The following CCPG1 variants were observed in gnomAD, a reference collection of about 807,000 sequenced individuals.
CCPG1 encodes cell cycle progression 1.
Under a neutral mutation model 81.3 loss-of-function variants are expected in CCPG1, and 46 were observed. The ratio of observed to expected loss-of-function variants is 0.57; its 90% CI spans 0.45 to 0.72. CCPG1 has a LOEUF of 0.72. Ranked by LOEUF, CCPG1 falls within the 30% of genes least tolerant of loss-of-function variation. The probability of loss-of-function intolerance (pLI) is 0.00; values close to 1 mark genes in which losing one functional copy is unlikely to be tolerated. For synonymous variants in CCPG1, 330 were observed against 305.2 expected (o/e 1.08, Z -0.85); for missense variants, 902 against 937.6 (o/e 0.96, Z 0.50).
intron 1 of CCPG1, among the ~76,000 whole-genome samples, chr15:55,403,484 C>G (rs1303424611): frequency 6.6e-6 from 1 of 151,998 alleles, no homozygotes; most frequent in Non-Finnish European, 1.5e-5. Context: ...TCTAATACTT[C>G]CTCAGGTAAT....
At position 55,385,642 on chromosome 15, in the gene CCPG1, A is replaced by G. The variant is rs768411377; in HGVS notation, c.133T>C (p.Leu45=). 2.4e-5 allele frequency: 38 copies of G among 1,611,868 alleles called. No homozygotes were observed. In the South Asian group the frequency reaches 4.2e-4, roughly 18 times the overall value. The stretch of plus-strand genomic sequence containing the variant: ...AATGCTTGAAGCTCCTCTTGCTCTA[A>G]AGATGAACATTCTGGGGCGGGCTCA... ...SCEPAPECSS[L]EQEELQALQI... The change falls in exon 3 of 9, where the codon TTA becomes CTA. Residue 45 remains leucine (L), a synonymous_variant. Coordinates refer to ENST00000442196, the MANE Select transcript of CCPG1 (RefSeq NM_001204450.2).
chr15:55,391,051 C>T (rs1027959324), intron 1 of CCPG1, among the ~76,000 whole-genome samples: 4 of 152,070 alleles, frequency 2.6e-5, no homozygotes, highest in Non-Finnish European at 4.4e-5. Context: ...GTTTAAATAC[C>T]CTGTAGGATA....
At chr15:55,375,015 G>C (rs983640340) in intron 5 of CCPG1, among the ~76,000 whole-genome samples, 7 of 152,150 alleles carry the variant, frequency 4.6e-5, no homozygotes, top group Non-Finnish European at 1.0e-4. Context: ...TTTCAGTATA[G>C]TCCAAAATTT....
chr15:55,393,602 T>C (rs757628060), intron 1 of CCPG1, among the ~76,000 whole-genome samples: 5 of 152,118 alleles, frequency 3.3e-5, no homozygotes, highest in Admixed American at 6.6e-5. Flanking sequence ...TTTGAAGAGA[T>C]CTGAGAAGAC....
intron 7 of CCPG1, among the ~76,000 whole-genome samples, chr15:55,362,851 G>A (rs533772327): frequency 2.1e-5 from 3 of 145,756 alleles, no homozygotes; most frequent in African/African-American, 8.3e-5. Context: ...AATAGCCTGG[G>A]CAACATAGTG....
chr15:55,374,540 A>T (rs1252733817), intron 5 of CCPG1, among the ~76,000 whole-genome samples: 3 of 152,222 alleles, frequency 2.0e-5, no homozygotes, highest in Non-Finnish European at 4.4e-5. Flanking sequence ...ATTGAAGTTG[A>T]AATCCTTAAG....
intron 5 of CCPG1, among the ~76,000 whole-genome samples, chr15:55,375,343 T>C (rs2056542865): frequency 6.6e-6 from 1 of 152,184 alleles, no homozygotes; most frequent in South Asian, 2.1e-4. Context: ...TGGCTTCAAT[T>C]TGACTTTTCT....
chr15:55,375,206 T>C (rs1309206574), intron 5 of CCPG1, among the ~76,000 whole-genome samples: 1 of 152,210 alleles, frequency 6.6e-6, no homozygotes, highest in East Asian at 1.9e-4. Context: ...AAAGTTAATA[T>C]GTAATTTCTT....
chr15:55,406,504 T>G (rs117168564), intron 1 of CCPG1, among the ~76,000 whole-genome samples: 7,831 of 147,412 alleles, frequency 0.053, 302 homozygotes, highest in South Asian at 0.099. Flanking sequence ...CAGGTTGGAG[T>G]GCGGTGGCCA....
At chr15:55,395,176 G>A (rs112624319) in intron 1 of CCPG1, among the ~76,000 whole-genome samples, 3 of 152,040 alleles carry the variant, frequency 2.0e-5, no homozygotes, top group Admixed American at 6.6e-5. Context: ...AAGAGAAAAA[G>A]ATTTCCCGCT....
intron 3 of CCPG1, among the ~76,000 whole-genome samples, chr15:55,380,586 C>T (rs936139854): frequency 1.9e-4 from 29 of 151,816 alleles, no homozygotes; most frequent in Non-Finnish European, 4.0e-4. Flanking sequence ...TGAGCTACCG[C>T]GCCCGGTCGA....
In CCPG1 at chr15:55,359,941, T is replaced by G; in HGVS notation, c.1832A>C (p.Lys611Thr). 6.2e-7 allele frequency: 1 copy of G among 1,613,294 alleles called. No homozygotes were observed. The highest frequency in any genetic ancestry group is 8.5e-7 in the Non-Finnish European group (1 of 1,179,856). ...KEFRKNTNSK[K>T]CSPGHDCREN... is the part of the protein sequence containing the mutation. ...TCTACAATCATGCCCAGGACTGCAT[T>G]TCTTTGAATTTGTATTTTTTCTGAA... Residue 611 changes from lysine to threonine, a missense_variant, in exon 8 of 9, where the codon AAA (lysine) becomes ACA (threonine). Physicochemically the swap from Lys to Thr is moderately conservative, Grantham distance 78. Coordinates refer to ENST00000442196, the MANE Select transcript of CCPG1 (RefSeq NM_001204450.2).
At chr15:55,374,616 G>A (rs940347648) in intron 5 of CCPG1, among the ~76,000 whole-genome samples, 2 of 152,130 alleles carry the variant, frequency 1.3e-5, no homozygotes, top group African/African-American at 4.8e-5. Context: ...CAAACTAAAA[G>A]GGAAAAACAA....
At chr15:55,406,436 C>CTTTTTTTTTTTTTTT (rs143238270) in intron 1 of CCPG1, among the ~76,000 whole-genome samples, 168 of 126,202 alleles carry the variant, frequency 1.3e-3, no homozygotes, top group Middle Eastern at 4.7e-3. Context: ...TTCTTTTTCT[C>CTTTTTTTTTTTTTTT]TTTTTTTTTT....
Position 55,374,779 on chromosome 15 carries a change from C to G in CCPG1, c.454+2170G>C, listed in dbSNP as rs796751230. Reference sequence around the variant, plus strand: ...CAGAGTAGCTGGGATTACAGGCCTGCGCTACCACAGGCAGCTAATCCCAAG... The same window carrying G: ...CAGAGTAGCTGGGATTACAGGCCTGGGCTACCACAGGCAGCTAATCCCAAG... On this transcript the variant is annotated intron_variant, in intron 5 of 8. Transcript: ENST00000442196. 1.2e-4 allele frequency among the ~76,000 whole-genome samples: 18 copies of G among 152,150 alleles called. 1 individual carries two copies. The highest frequency in any genetic ancestry group is 4.1e-4 in the African/African-American group (17 of 41,512).
intron 8 of CCPG1, chr15:55,356,850 T>C: frequency 2.0e-6 from 2 of 987,378 alleles, no homozygotes; most frequent in Non-Finnish European, 2.4e-6. Context: ...CTTTCCTTAA[T>C]GTCTATGATC....
In CCPG1 at chr15:55,371,999, G is replaced by A. The variant is rs1336640499; in HGVS notation, c.500C>T (p.Thr167Ile). The change falls in exon 6 of 9, where the codon ACC (threonine) becomes ATC (isoleucine). Residue 167 changes from threonine (T) to isoleucine (I), a missense_variant. Physicochemically the swap from Thr to Ile is moderately conservative, Grantham distance 89. Around this residue, in one of 3 missense-constraint regions of CCPG1, gnomAD observed 746 missense variants for 728.6 expected, o/e 1.02. Coordinates refer to ENST00000442196, the MANE Select transcript of CCPG1 (RefSeq NM_001204450.2). ...PSDDESSSDETSNQPSPAFRR... is the reference protein window; with the variant it reads ...PSDDESSSDEISNQPSPAFRR... Reference sequence around the variant, plus strand: ...AAAGGCAGGACTGGGCTGATTACTGGTTTCATCACTACTTGATTCATCGTC... The same window carrying A: ...AAAGGCAGGACTGGGCTGATTACTGATTTCATCACTACTTGATTCATCGTC... The A allele has an allele frequency of 1.2e-6, 2 of 1,613,784 alleles. No homozygotes were observed. The highest frequency in any genetic ancestry group is 1.3e-5 in the African/African-American group (1 of 74,912).
chr15:55,389,302 A>G, intron 2 of CCPG1, 63 bp downstream of exon 2: 1 of 1,143,734 alleles, frequency 8.7e-7, no homozygotes, highest in Non-Finnish European at 1.3e-6. Context: ...CAAAGAACAC[A>G]GTTTACATCA....
At chr15:55,373,055 C>G (rs1306477787) in intron 5 of CCPG1, 2 of 531,000 alleles carry the variant, frequency 3.8e-6, no homozygotes, top group South Asian at 2.8e-5. Context: ...AAGGACTATT[C>G]TGGTGCTGCT....
Sources: allele counts gnomAD v4.1 joint callset (sites outside exome capture counted in the v4.1 genomes callset), GRCh38; gene constraint gnomAD v4.1.1; regional missense constraint gnomAD v4.1.1; transcripts MANE v1.5; gene names NCBI Gene and HGNC (gene_info 2026-07-23, HGNC 2026-07-21).